Variants in FBLN1 observed in about 807,000 individuals in gnomAD.
FBLN1 encodes the protein fibulin 1.
Under a neutral mutation model 89.7 loss-of-function variants are expected in FBLN1, and 34 were observed. The observed-to-expected ratio is 0.38, with a 90% CI of 0.29 to 0.50. The LOEUF (loss-of-function observed/expected upper bound fraction) is 0.50. Among genes scored for constraint, FBLN1 ranks in the 20% least tolerant of loss-of-function variants. FBLN1 has a pLI of 0.92. For synonymous variants in FBLN1, 393 were observed against 391.3 expected, an observed-to-expected ratio of 1.00 and a Z score of -0.05; for missense variants, 777 against 988.1, an observed-to-expected ratio of 0.79 and a Z score of 2.86.
At chr22:45,598,883 A>T (rs527448853) in intron 16 of FBLN1, among the ~76,000 whole-genome samples, 2 of 152,184 alleles carry the variant, frequency 1.3e-5, no homozygotes, top group African/African-American at 4.8e-5. Context: ...TTGCTGGGGA[A>T]CCTAGGCCTC....
At chr22:45,567,431 CATG>C (rs1258794986) in intron 14 of FBLN1, among the ~76,000 whole-genome samples, 13 of 152,166 alleles carry the variant, frequency 8.5e-5, no homozygotes, top group Admixed American at 6.5e-4. Context: ...GCCTGGCCAA[CATG>C]ATGAAACCCC....
In FBLN1 at chr22:45,579,951, C is replaced by T. The variant is rs1256107241; in HGVS notation, c.1972+2843C>T. Among the ~76,000 whole-genome samples, 1 of 152,040 alleles carries T rather than the reference C, an allele frequency of 6.6e-6. No individual in the cohort carries two copies. Among genetic ancestry groups the T allele is most frequent in the East Asian group, 2.0e-4 (1 of 5,124 alleles). ...GTTCCACCGTTGGACTCGAGCCCAG[C>T]CTGAAGCAGCCCTGAAAACGTGGGG... On this transcript the variant is annotated intron_variant, in intron 16 of 16. Coordinates refer to ENST00000327858, the MANE Select transcript of FBLN1 (RefSeq NM_006486.3). This position sits in a 1 kb window ranked among gnomAD's most constrained non-coding sequence, Gnocchi z 5.5.
At chr22:45,558,775 CT>C (rs2088819421) in intron 14 of FBLN1, 1 of 152,486 alleles carries the variant, frequency 6.6e-6, no homozygotes, top group African/African-American at 2.4e-5. Flanking sequence ...TATCCTTCAC[CT>C]TGGAATATCT....
At chr22:45,509,449 G>C (rs1399020524) in intron 1 of FBLN1, among the ~76,000 whole-genome samples, 1 of 152,150 alleles carries the variant, frequency 6.6e-6, no homozygotes, top group Non-Finnish European at 1.5e-5. Context: ...ACACAGTCAG[G>C]TCTTGTGTTG....
rs1307604856 is a variant in FBLN1 at position 45,579,382 on chromosome 22, G to A, written c.1972+2274G>A. ...GCAATGGAAAGGAGTCCCAGGGTATGAGAGATGATCACAGGTGCCGTCCCG... is the reference window on the plus strand; with the variant it reads ...GCAATGGAAAGGAGTCCCAGGGTATAAGAGATGATCACAGGTGCCGTCCCG... On this transcript the variant is annotated intron_variant, in intron 16 of 16. Coordinates refer to ENST00000327858, the MANE Select transcript of FBLN1 (RefSeq NM_006486.3). The surrounding 1 kb of genome is among the most constrained non-coding windows in gnomAD (Gnocchi z 5.5). Among the ~76,000 whole-genome samples, 2 of 152,282 alleles carry A rather than the reference G, an allele frequency of 1.3e-5. No individual in the cohort carries two copies. The highest frequency in any genetic ancestry group is 2.9e-5 in the Non-Finnish European group (2 of 68,046).
rs1240878781 is a variant in FBLN1 at position 45,563,092 on chromosome 22, G to A, written c.1698-11419G>A. The A allele has an allele frequency of 6.2e-7, 1 of 1,613,412 alleles. No individual in the cohort carries two copies. The highest frequency in any genetic ancestry group is 1.1e-5 in the South Asian group (1 of 91,080). On this transcript the variant is annotated intron_variant, in intron 14 of 16. Transcript: ENST00000327858. The surrounding 1 kb of genome is among the most constrained non-coding windows in gnomAD (Gnocchi z 5.7). Reference sequence around the variant, plus strand: ...AGCTGGCCATCACCGGCGGCAATGAGGAGGGCTTTTTCACCACCCGGAAGG... The same window carrying A: ...AGCTGGCCATCACCGGCGGCAATGAAGAGGGCTTTTTCACCACCCGGAAGG...
chr22:45,570,355 G>GAAAAAAAAAA (rs56383142), intron 14 of FBLN1, among the ~76,000 whole-genome samples: 2 of 108,632 alleles, frequency 1.8e-5, no homozygotes, highest in South Asian at 2.8e-4. Flanking sequence ...GAAAAGAAAA[G>GAAAAAAAAAA]AAAAAAAAAA....
chr22:45,563,795 G>A lies in FBLN1; in HGVS notation c.1698-10716G>A, dbSNP rs1291488065. On this transcript the variant is annotated intron_variant, in intron 14 of 16. Coordinates refer to ENST00000327858, the MANE Select transcript of FBLN1 (RefSeq NM_006486.3). The surrounding 1 kb of genome is among the most constrained non-coding windows in gnomAD (Gnocchi z 5.7). ...CTGGTTCTTTGCTGTATCCCCGGAGGTGAGCATTTCACTGAGACAAGAAAG... is the reference window on the plus strand; with the variant it reads ...CTGGTTCTTTGCTGTATCCCCGGAGATGAGCATTTCACTGAGACAAGAAAG... Among the ~76,000 whole-genome samples, 4 of 152,204 alleles carry A rather than the reference G, an allele frequency of 2.6e-5. No individual in the cohort carries two copies. The highest frequency in any genetic ancestry group is 5.9e-5 in the Non-Finnish European group (4 of 68,034).
At chr22:45,529,803 G>A (rs1400457497) in intron 4 of FBLN1, among the ~76,000 whole-genome samples, 1 of 152,188 alleles carries the variant, frequency 6.6e-6, no homozygotes, top group Admixed American at 6.5e-5. Context: ...GGAGGCGGAG[G>A]TTGCAGTGAG....
At chr22:45,523,353 A>G in intron 2 of FBLN1, 1 of 522,890 alleles carries the variant, frequency 1.9e-6, no homozygotes, top group East Asian at 2.9e-5. Flanking sequence ...AGGCAGCTGG[A>G]CACCCTGAGG....
At position 45,550,982 on chromosome 22, in the gene FBLN1, T is replaced by C. The variant is rs1040841486; in HGVS notation, c.1697+367T>C. On this transcript the variant is annotated intron_variant, in intron 14 of 16. Transcript: ENST00000327858. The surrounding 1 kb of genome is among the most constrained non-coding windows in gnomAD (Gnocchi z 8.4). ...ATGTCAGAACGTGCTCTGACTGAGA[T>C]GCATAGGTAGCAATGTCTCCATGTC... 3.3e-5 allele frequency: 12 copies of C among 361,324 alleles called. No homozygotes were observed. The highest frequency in any genetic ancestry group is 2.5e-4 in the African/African-American group (12 of 47,574). 22.4% of individuals were successfully genotyped at this position (361,324 alleles called of 1,614,324 possible).
chr22:45,507,681 C>G (rs1268901372), intron 1 of FBLN1, among the ~76,000 whole-genome samples: 1 of 152,162 alleles, frequency 6.6e-6, no homozygotes, highest in African/African-American at 2.4e-5. Context: ...GCATGCGCCA[C>G]CACACCTGGC....
At chr22:45,600,207 T>C in intron 16 of FBLN1, 100 bp from the exon 17 acceptor site, 1 of 1,442,836 alleles carries the variant, frequency 6.9e-7, no homozygotes, top group Non-Finnish European at 9.7e-7. Flanking sequence ...GGTCTATGCC[T>C]CCTTCTAGCT....
chr22:45,555,256 T>C (rs903083403), intron 14 of FBLN1, among the ~76,000 whole-genome samples: 9 of 36,212 alleles, frequency 2.5e-4, no homozygotes, highest in African/African-American at 5.9e-4. Context: ...TACATATATA[T>C]ATATATATAA....
rs946372082 is a variant in FBLN1, at chr22:45,583,249, G to C, written c.1972+6141G>C. ...CCTCAGCCCCCCAGGCAGCTCTAAG[G>C]GCTCAGCTGCTGCAGGATTCCTTAG... On this transcript the variant is annotated intron_variant, in intron 16 of 16. Coordinates refer to ENST00000327858, the MANE Select transcript of FBLN1 (RefSeq NM_006486.3). This position sits in a 1 kb window ranked among gnomAD's most constrained non-coding sequence, Gnocchi z 4.5. Among the ~76,000 whole-genome samples the C allele has an allele frequency of 6.6e-6, 1 of 152,122 alleles. No individual in the cohort carries two copies. The highest frequency in any genetic ancestry group is 1.5e-5 in the Non-Finnish European group (1 of 68,018).
At chr22:45,595,890 GAC>G (rs1161370141) in intron 16 of FBLN1, among the ~76,000 whole-genome samples, 1 of 152,250 alleles carries the variant, frequency 6.6e-6, no homozygotes, top group African/African-American at 2.4e-5. Flanking sequence ...TGTTTTTTGA[GAC>G]AGAGTCTTGC....
In FBLN1 at chr22:45,579,582, G is replaced by T. The variant is rs1175454283; in HGVS notation, c.1972+2474G>T. Among the ~76,000 whole-genome samples the T allele has an allele frequency of 2.6e-5, 4 of 152,194 alleles. No homozygotes were observed. The highest frequency in any genetic ancestry group is 9.6e-5 in the African/African-American group (4 of 41,452). On this transcript the variant is annotated intron_variant, in intron 16 of 16. Transcript: ENST00000327858. This position sits in a 1 kb window ranked among gnomAD's most constrained non-coding sequence, Gnocchi z 5.5. ...GCCTGTAGCCCTGTGTGCTGGGGAG[G>T]CCCCTGCCTCTTCCACGCCTCGGTC...
rs5765497 is a variant in FBLN1, at chr22:45,583,844, T to C, written c.1972+6736T>C. ...AGAGAGACCTGTGGGACCAAAGCCT[T>C]TACTGGGGTCCAGGGTGTTATCCAG... On this transcript the variant is annotated intron_variant, in intron 16 of 16. Transcript: ENST00000327858. This position sits in a 1 kb window ranked among gnomAD's most constrained non-coding sequence, Gnocchi z 4.5. Among the ~76,000 whole-genome samples, 54,476 of 151,884 alleles carry C rather than the reference T, an allele frequency of 0.36. 11,654 individuals carry two copies. The highest frequency in any genetic ancestry group is 0.52 in the Admixed American group (7,951 of 15,262).
intron 1 of FBLN1, chr22:45,518,435 C>T (rs995809600): frequency 7.1e-6 from 4 of 565,962 alleles, no homozygotes; most frequent in Non-Finnish European, 1.3e-5. Flanking sequence ...GAGCCGCAGC[C>T]CTGTCCAAGC....
Sources: gnomAD v4.1 joint callset for allele counts (sites outside exome capture counted in the v4.1 genomes callset) on GRCh38, gnomAD v4.1.1 for gene constraint, Gnocchi (gnomAD v3.1) non-coding constraint, MANE v1.5 for transcripts, NCBI Gene and HGNC (gene_info 2026-07-23, HGNC 2026-07-21) for gene names.